Variants in RAB6A observed in about 807,000 individuals in gnomAD.
RAB6A encodes the protein ras-related protein Rab-6A.
Under a neutral mutation model 32.3 loss-of-function variants are expected in RAB6A, and 8 were observed. The observed-to-expected ratio is 0.25, with a 90% confidence interval of 0.15 to 0.45. RAB6A has a LOEUF of 0.45. RAB6A is among the 20% of genes least tolerant of loss of function. The probability of loss-of-function intolerance (pLI) is 1.00; values close to 1 mark genes in which losing one functional copy is unlikely to be tolerated. For missense variants in RAB6A, 104 were observed against 249.4 expected, an observed-to-expected ratio of 0.42 and a Z score of 3.93; for synonymous variants, 73 against 82.1, an observed-to-expected ratio of 0.89 and a Z score of 0.60.
chr11:73,722,003 T>C (rs1401282203), intron 2 of RAB6A, among the ~76,000 whole-genome samples: 3 of 151,942 alleles, frequency 2.0e-5, no homozygotes, highest in African/African-American at 7.2e-5. Context: ...GCTCTGTGCT[T>C]CTCCTTGTTG....
Position 73,677,075 on chromosome 11 carries a change from C to T in RAB6A, c.*823G>A, listed in dbSNP as rs1274734179. ...GTTCATTAGAACTTCATTTTCTTAC[C>T]GTGAAGAATTAAATACTAAAAACCT... is the stretch of plus-strand genomic sequence containing the variant. On this transcript the variant is annotated 3_prime_UTR_variant, in exon 8 of 8. Transcript: ENST00000336083. 1.2e-5 allele frequency: 2 copies of T among 166,908 alleles called. No individual in the cohort carries two copies. The highest frequency in any genetic ancestry group is 1.9e-4 in the East Asian group (1 of 5,206). The allele number at this position is 166,908 out of a possible 1,614,324, so 10.3% of individuals were successfully genotyped here.
chr11:73,700,622 G>T lies in RAB6A; in HGVS notation c.495+6798C>A, dbSNP rs570159053. Among the ~76,000 whole-genome samples, 3 of 112,862 alleles carry T rather than the reference G, an allele frequency of 2.7e-5. 1 individual carries two copies. The highest frequency in any genetic ancestry group is 9.9e-5 in the African/African-American group (3 of 30,406). The allele number at this position is 112,862 out of a possible 152,430, so 74.0% of individuals were successfully genotyped here. On this transcript the variant is annotated intron_variant, in intron 6 of 7. Coordinates refer to ENST00000336083, the MANE Select transcript of RAB6A (RefSeq NM_198896.2). ...AAAGTGTGTGTGTGGGGGGGGGGGG[G>T]GGAGGAGGGTAGTGGATGAGAAATC... is the stretch of plus-strand genomic sequence containing the variant.
At position 73,707,631 on chromosome 11, in the gene RAB6A, T is replaced by G. The variant is rs190441827; in HGVS notation, c.402-118A>C. The stretch of plus-strand genomic sequence containing the variant: ...TAAGGACTGGTTATACAGGTCACAT[T>G]AGTTTAAAAATTCATTAATCTGCCA... On this transcript the variant is annotated intron_variant, in intron 5 of 7. Coordinates refer to ENST00000336083, the MANE Select transcript of RAB6A (RefSeq NM_198896.2). The G allele has an allele frequency of 2.6e-3, 1,666 of 647,980 alleles. 9 individuals are homozygous for G. Among genetic ancestry groups the G allele is most frequent in the South Asian group, 9.6e-3 (391 of 40,790 alleles). The allele number at this position is 647,980 out of a possible 1,614,324, so 40.1% of individuals were successfully genotyped here.
intron 6 of RAB6A, among the ~76,000 whole-genome samples, chr11:73,700,837 G>A (rs1945733441): frequency 1.3e-5 from 2 of 151,864 alleles, no homozygotes; most frequent in African/African-American, 4.8e-5. Flanking sequence ...CAGGACTTTA[G>A]GGTCAAGTGC....
At chr11:73,752,817 C>CA (rs1465568216) in intron 1 of RAB6A, among the ~76,000 whole-genome samples, 4 of 107,202 alleles carry the variant, frequency 3.7e-5, no homozygotes, top group East Asian at 5.3e-4. Flanking sequence ...GACTCCAGCT[C>CA]AAAAAAAAGA....
rs1946306214 is a variant in RAB6A at position 73,731,686 on chromosome 11, ATATATATATATATATATAT to A, written c.71-882_71-864del. Among the ~76,000 whole-genome samples, 147 of 27,584 alleles carry A rather than the reference ATATATATATATATATATAT, an allele frequency of 5.3e-3. 13 individuals are homozygous for A. The highest frequency in any genetic ancestry group is 0.011 in the Admixed American group (27 of 2,452). 18.1% of individuals were successfully genotyped at this position (27,584 alleles called of 152,430 possible). A position where few individuals can be genotyped will look rare whatever the true frequency, so the allele number is the denominator to read the frequency against. On this transcript the variant is annotated intron_variant, in intron 1 of 7. Transcript: ENST00000336083. ...ATTGTGAGATAGATAGATAGATATT[ATATATATATATATATATAT>A]ATATATATATATATATATATATATA...
intron 1 of RAB6A, among the ~76,000 whole-genome samples, chr11:73,739,304 T>TATATATATATATATATATATATATA (rs375733945): frequency 3.1e-5 from 1 of 31,854 alleles, no homozygotes; most frequent in Non-Finnish European, 7.4e-5. Context: ...TATATATATA[T>TATATATATATATATATATATATATA]AAATACTGGA....
chr11:73,735,438 G>A (rs570648674), intron 1 of RAB6A, among the ~76,000 whole-genome samples: 4 of 152,290 alleles, frequency 2.6e-5, no homozygotes, highest in African/African-American at 9.6e-5. Context: ...ACTTGCTAAG[G>A]TTAAGTCAGA....
chr11:73,677,005 A>G lies in RAB6A; in HGVS notation c.*893T>C, dbSNP rs2134853248. 1 of 166,750 alleles carries G rather than the reference A, an allele frequency of 6.0e-6. No homozygotes were observed. The highest frequency in any genetic ancestry group is 1.5e-5 in the Non-Finnish European group (1 of 68,038). 10.3% of individuals were successfully genotyped at this position (166,750 alleles called of 1,614,324 possible). On this transcript the variant is annotated 3_prime_UTR_variant, in exon 8 of 8. Transcript: ENST00000336083. ...CTTAAAGAGGTTTCTTATTTTTTAAACAAACAGAATAACTCTTGACAATTT... is the reference window on the plus strand; with the variant it reads ...CTTAAAGAGGTTTCTTATTTTTTAAGCAAACAGAATAACTCTTGACAATTT...
intron 6 of RAB6A, among the ~76,000 whole-genome samples, chr11:73,686,785 T>C (rs1350661313): frequency 6.6e-6 from 1 of 152,172 alleles, no homozygotes; most frequent in Non-Finnish European, 1.5e-5. Flanking sequence ...TATATTCACA[T>C]ATCTACCTAT....
In RAB6A at chr11:73,685,286, C is replaced by CTTTT. The variant is rs750488240; in HGVS notation, c.496-5570_496-5567dup. 2.6e-3 allele frequency among the ~76,000 whole-genome samples: 299 copies of CTTTT among 117,230 alleles called. 1 individual carries two copies. Among genetic ancestry groups the CTTTT allele is most frequent in the South Asian group, 8.6e-3 (30 of 3,478 alleles). 76.9% of individuals were successfully genotyped at this position (117,230 alleles called of 152,430 possible). A position where few individuals can be genotyped will look rare whatever the true frequency, so the allele number is the denominator to read the frequency against. On this transcript the variant is annotated intron_variant, in intron 6 of 7. Coordinates refer to ENST00000336083, the MANE Select transcript of RAB6A (RefSeq NM_198896.2). Reference sequence around the variant, plus strand: ...AGTACTGACCTGCTATATAGAAAGTCTTTTTTTTTTTTTTTTTTTTGAGAC... The same window carrying CTTTT: ...AGTACTGACCTGCTATATAGAAAGTCTTTTTTTTTTTTTTTTTTTTTTTTGAGAC...
chr11:73,717,785 G>C (rs926191481), intron 4 of RAB6A, among the ~76,000 whole-genome samples: 2 of 152,206 alleles, frequency 1.3e-5, no homozygotes, highest in Non-Finnish European at 2.9e-5. Flanking sequence ...AGGATCACTT[G>C]AACCCAGGAG....
At chr11:73,688,488 G>T (rs1234271054) in intron 6 of RAB6A, among the ~76,000 whole-genome samples, 1 of 152,176 alleles carries the variant, frequency 6.6e-6, no homozygotes, top group African/African-American at 2.4e-5. Context: ...TAGTCTCTGT[G>T]TCCATCACGT....
chr11:73,709,796 A>G (rs1460402646), intron 5 of RAB6A, among the ~76,000 whole-genome samples: 2 of 148,846 alleles, frequency 1.3e-5, no homozygotes, highest in Non-Finnish European at 3.0e-5. Flanking sequence ...AAATTTTCAA[A>G]TGCTAAAAAA....
chr11:73,710,881 T>C (rs1231023954), intron 5 of RAB6A, among the ~76,000 whole-genome samples: 7 of 152,082 alleles, frequency 4.6e-5, no homozygotes, highest in Admixed American at 4.6e-4. Context: ...CCTTTGGGAA[T>C]AGAGGTGTAA....
chr11:73,719,613 CA>C (rs1031934274), intron 3 of RAB6A, among the ~76,000 whole-genome samples: 2 of 150,986 alleles, frequency 1.3e-5, no homozygotes, highest in African/African-American at 4.9e-5. Context: ...TCCAAGCTTT[CA>C]AATTTTTTTT....
chr11:73,731,985 C>T lies in RAB6A; in HGVS notation c.71-1162G>A, dbSNP rs559013636. 7.6e-4 allele frequency among the ~76,000 whole-genome samples: 115 copies of T among 151,146 alleles called. 4 individuals carry two copies. The South Asian group carries it at 0.019, about 25-fold the overall frequency. On this transcript the variant is annotated intron_variant, in intron 1 of 7. Transcript: ENST00000336083. ...TGATCTCTTGACCCTGTGATTCGCC[C>T]GCCTCGGCCTCCCAAAGTGCTGAGA...
chr11:73,742,538 G>A (rs760452549), intron 1 of RAB6A, among the ~76,000 whole-genome samples: 4 of 151,744 alleles, frequency 2.6e-5, no homozygotes, highest in East Asian at 2.0e-4. Context: ...TGGGCCAGGC[G>A]TGGTGGCTCA....
intron 2 of RAB6A, among the ~76,000 whole-genome samples, chr11:73,728,780 C>A (rs1388997880): frequency 6.6e-6 from 1 of 151,732 alleles, no homozygotes; most frequent in African/African-American, 2.4e-5. Context: ...ATATCTCTGT[C>A]TGGGTTGAAT....
Sources: gnomAD v4.1 joint callset for allele counts (sites outside exome capture counted in the v4.1 genomes callset) on GRCh38, gnomAD v4.1.1 for gene constraint, MANE v1.5 for transcripts, NCBI Gene and HGNC (gene_info 2026-07-23, HGNC 2026-07-21) for gene names.